The following ITPR1 variants were observed in gnomAD, a reference collection of about 807,000 sequenced individuals.
ITPR1 encodes the protein inositol 1,4,5-trisphosphate receptor type 1.
Under a neutral mutation model 318.4 loss-of-function variants are expected in ITPR1, and 96 were observed. The ratio of observed to expected loss-of-function variants is 0.30; its 90% CI spans 0.26 to 0.36. The LOEUF (loss-of-function observed/expected upper bound fraction) is 0.36, where lower values mean the gene tolerates loss of function less well. Ranked by LOEUF, ITPR1 falls within the 10% of genes least tolerant of loss-of-function variation. ITPR1 has a pLI of 1.00. For missense variants in ITPR1, 2,440 were observed against 3,460.2 expected (o/e 0.71, Z 7.40); for synonymous variants, 1,312 against 1,289.9 (o/e 1.02, Z -0.37).
chr3:4,746,707 G>A (rs1352146978), intron 44 of ITPR1, among the ~76,000 whole-genome samples: 2 of 152,214 alleles, frequency 1.3e-5, no homozygotes, highest in African/African-American at 4.8e-5. Context: ...TGTACATGAT[G>A]AATCAGTGTG....
At chr3:4,561,007 G>A (rs1193131639) in intron 4 of ITPR1, among the ~76,000 whole-genome samples, 3 of 152,206 alleles carry the variant, frequency 2.0e-5, no homozygotes, top group Non-Finnish European at 4.4e-5. Context: ...TGATGACTTA[G>A]GTCCTGTGTT....
At chr3:4,787,392 T>C (rs966101294) in intron 51 of ITPR1, among the ~76,000 whole-genome samples, 1 of 145,606 alleles carries the variant, frequency 6.9e-6, no homozygotes. Flanking sequence ...TGTCTTGGAT[T>C]ATATAAAAAA....
chr3:4,519,583 C>T (rs549089283), intron 3 of ITPR1, among the ~76,000 whole-genome samples: 1 of 152,278 alleles, frequency 6.6e-6, no homozygotes, highest in East Asian at 1.9e-4. Context: ...CCCTGTCAAG[C>T]ATTATGTTAG....
chr3:4,533,145 A>T (rs550821866), intron 4 of ITPR1, among the ~76,000 whole-genome samples: 1 of 152,342 alleles, frequency 6.6e-6, no homozygotes, highest in East Asian at 1.9e-4. Context: ...ACTCTCTGGA[A>T]ACTGAATGGG....
At chr3:4,837,796 T>C (rs2051036145) in intron 61 of ITPR1, among the ~76,000 whole-genome samples, 1 of 152,200 alleles carries the variant, frequency 6.6e-6, no homozygotes, top group African/African-American at 2.4e-5. Flanking sequence ...ACTTGTACCC[T>C]GGGTGGTGAG....
chr3:4,546,742 C>T (rs1333194899), intron 4 of ITPR1, among the ~76,000 whole-genome samples: 5 of 148,358 alleles, frequency 3.4e-5, no homozygotes, highest in East Asian at 2.0e-4. Context: ...ATAAACCAAG[C>T]GCTGGGCCAA....
intron 44 of ITPR1, among the ~76,000 whole-genome samples, chr3:4,757,728 AT>A (rs1404163765): frequency 6.6e-6 from 1 of 152,198 alleles, no homozygotes; most frequent in Admixed American, 6.5e-5. Context: ...AAATGAGATA[AT>A]GCATATAAAG....
At position 4,761,546 on chromosome 3, in the gene ITPR1, C is replaced by T. The variant is rs192918216; in HGVS notation, c.5545-4984C>T. ...CCTAGCAACCACCATTTTGATTTCT[C>T]TCACCATCACCTGATGTTTCCCAGT... On this transcript the variant is annotated intron_variant, in intron 44 of 61. Coordinates refer to ENST00000649015, the MANE Select transcript of ITPR1 (RefSeq NM_001378452.1). Among the ~76,000 whole-genome samples, 45 of 152,332 alleles carry T rather than the reference C, an allele frequency of 3.0e-4. 1 individual carries two copies. Among genetic ancestry groups the T allele is most frequent in the African/African-American group, 9.6e-4 (40 of 41,560 alleles).
intron 44 of ITPR1, among the ~76,000 whole-genome samples, chr3:4,761,608 T>C (rs1371483903): frequency 6.6e-6 from 1 of 152,224 alleles, no homozygotes; most frequent in Non-Finnish European, 1.5e-5. Flanking sequence ...ACCTCACACC[T>C]GCCAGGTGGG....
chr3:4,556,310 G>T (rs1280809552), intron 4 of ITPR1, among the ~76,000 whole-genome samples: 1 of 152,060 alleles, frequency 6.6e-6, no homozygotes, highest in South Asian at 2.1e-4. Context: ...AGACCCATCA[G>T]TATCACCCAG....
In ITPR1 at chr3:4,735,279, A is replaced by G; in HGVS notation, c.5469A>G (p.Ala1823=). The change falls in exon 44 of 62, where the codon GCA becomes GCG. Residue 1823 remains alanine, a synonymous_variant. Coordinates refer to ENST00000649015, the MANE Select transcript of ITPR1 (RefSeq NM_001378452.1). ...TAGTTATCGACCTCATCATGAACGC[A>G]TCCAGTGACCGAGTGTTCCATGAAA... ...SNLVIDLIMN[A]SSDRVFHESI... 1.2e-6 allele frequency: 2 copies of G among 1,613,986 alleles called. No homozygotes were observed. The highest frequency in any genetic ancestry group is 8.5e-7 in the Non-Finnish European group (1 of 1,179,836).
At chr3:4,716,930 G>T (rs763958830) in intron 39 of ITPR1, among the ~76,000 whole-genome samples, 1 of 152,108 alleles carries the variant, frequency 6.6e-6, no homozygotes, top group Non-Finnish European at 1.5e-5. Context: ...TCTGACCCCC[G>T]ACTGAGTCAT....
intron 4 of ITPR1, among the ~76,000 whole-genome samples, chr3:4,613,869 T>C (rs1453661074): frequency 6.6e-6 from 1 of 152,186 alleles, no homozygotes; most frequent in Non-Finnish European, 1.5e-5. Flanking sequence ...GGATGGAATT[T>C]TGCATATGTG....
intron 42 of ITPR1, among the ~76,000 whole-genome samples, chr3:4,727,815 A>T (rs1001228368): frequency 6.6e-6 from 1 of 152,140 alleles, no homozygotes; most frequent in Non-Finnish European, 1.5e-5. Context: ...GGCTCAAGCA[A>T]TCCTCTTGCC....
chr3:4,839,859 C>T (rs1196836263), intron 61 of ITPR1, among the ~76,000 whole-genome samples: 2 of 152,110 alleles, frequency 1.3e-5, no homozygotes, highest in Non-Finnish European at 2.9e-5. Context: ...AACCACTCTT[C>T]AGAAAGCCCT....
chr3:4,841,639 A>T (rs1342151304), intron 61 of ITPR1, among the ~76,000 whole-genome samples: 1 of 152,174 alleles, frequency 6.6e-6, no homozygotes, highest in African/African-American at 2.4e-5. Flanking sequence ...AGCTGTGAAC[A>T]CATTGCTCTG....
Position 4,699,802 on chromosome 3 carries a change from T to A in ITPR1, c.4408-11T>A. 1.9e-6 allele frequency: 3 copies of A among 1,613,470 alleles called. No individual in the cohort carries two copies. Among genetic ancestry groups the A allele is most frequent in the Non-Finnish European group, 2.5e-6 (3 of 1,179,536 alleles). On this transcript the variant is annotated splice_polypyrimidine_tract_variant and intron_variant, in intron 34 of 61. Transcript: ENST00000649015. ...TTGGTGTAATGCTTAACATACCCAC[T>A]TGTCTTCCAGGCCTGTAACAACACT...
chr3:4,502,388 A>G (rs1359757839), intron 2 of ITPR1, among the ~76,000 whole-genome samples: 2 of 151,224 alleles, frequency 1.3e-5, no homozygotes, highest in Non-Finnish European at 2.9e-5. Context: ...ATTTGTATAT[A>G]TGTTTTTTCT....
intron 2 of ITPR1, among the ~76,000 whole-genome samples, chr3:4,507,016 A>G (rs2081438928): frequency 6.6e-6 from 1 of 152,206 alleles, no homozygotes; most frequent in South Asian, 2.1e-4. Flanking sequence ...ATTTTTAAAA[A>G]CCAATTACAC....
Sources: gnomAD v4.1 joint callset for allele counts (sites outside exome capture counted in the v4.1 genomes callset) on GRCh38, gnomAD v4.1.1 for gene constraint, MANE v1.5 for transcripts, NCBI Gene and HGNC (gene_info 2026-07-23, HGNC 2026-07-21) for gene names.